The following NRG1 variants were observed in gnomAD, a reference collection of about 807,000 sequenced individuals.
NRG1 encodes neuregulin 1, also known as pro-neuregulin-1, membrane-bound isoform.
A neutral mutation model predicts 63.8 loss-of-function variants in NRG1; 18 were observed. The observed-to-expected ratio is 0.28, with a 90% confidence interval of 0.19 to 0.42. NRG1 has a LOEUF of 0.42. Ranked by LOEUF, NRG1 falls within the 10% of genes least tolerant of loss-of-function variation. The pLI, the probability that NRG1 is intolerant of heterozygous loss-of-function variation, is 1.00. For synonymous variants in NRG1, 302 were observed against 301.3 expected (o/e 1.00, Z -0.02); for missense variants, 762 against 814.7 (o/e 0.94, Z 0.79).
chr8:32,189,920 C>T (rs904006158), intron 1 of NRG1, among the ~76,000 whole-genome samples: 8 of 152,098 alleles, frequency 5.3e-5, no homozygotes, highest in African/African-American at 1.9e-4. Context: ...GAGACATCAT[C>T]AGTGCTCATG....
At chr8:32,235,230 CAAAAAAAAAAAAAAA>C (rs58148757) in intron 1 of NRG1, among the ~76,000 whole-genome samples, 2 of 88,308 alleles carry the variant, frequency 2.3e-5, no homozygotes, top group East Asian at 4.0e-4. Context: ...CTAATCTCTA[CAAAAAAAAAAAAAAA>C]AAAAAAAAAA....
At chr8:32,133,949 T>C (rs919128862) in intron 1 of NRG1, among the ~76,000 whole-genome samples, 27 of 152,178 alleles carry the variant, frequency 1.8e-4, no homozygotes, top group Non-Finnish European at 3.7e-4. Flanking sequence ...GCCACTTTTT[T>C]TTGGAAAACA....
chr8:32,111,227 G>A (rs1025792468), intron 1 of NRG1, among the ~76,000 whole-genome samples: 3 of 151,928 alleles, frequency 2.0e-5, no homozygotes, highest in East Asian at 1.9e-4. Context: ...AGCAATTTTC[G>A]TTCCTCAGCT....
intron 1 of NRG1, among the ~76,000 whole-genome samples, chr8:32,072,384 G>C (rs1416907766): frequency 2.0e-5 from 3 of 151,552 alleles, no homozygotes; most frequent in African/African-American, 7.3e-5. Context: ...TATAAACTGT[G>C]CTGGCAGTAA....
intron 1 of NRG1, among the ~76,000 whole-genome samples, chr8:31,709,407 G>A (rs10090544): frequency 0.043 from 6,491 of 151,838 alleles, 449 homozygotes; most frequent in African/African-American, 0.15. Flanking sequence ...CCTAAGATTC[G>A]TCAGCTGTTT....
intron 1 of NRG1, among the ~76,000 whole-genome samples, chr8:32,438,855 C>T (rs1194482437): frequency 6.6e-6 from 1 of 152,072 alleles, no homozygotes; most frequent in Non-Finnish European, 1.5e-5. Flanking sequence ...CTTCTCTGTT[C>T]CTGTTGCCTA....
rs1052039525 is a variant in NRG1 at position 32,006,063 on chromosome 8, T to G, written c.37+366632T>G. On this transcript the variant is annotated intron_variant, in intron 1 of 10. Coordinates refer to the NRG1 transcript ENST00000519301. ...GGACAAAGACAAAACATAGGGAGTT[T>G]CGAGGCATTATTCAATAACTACCTA... 2.0e-4 allele frequency among the ~76,000 whole-genome samples: 31 copies of G among 152,014 alleles called. 1 individual carries two copies. Among genetic ancestry groups the G allele is most frequent in the Admixed American group, 1.3e-4 (2 of 15,228 alleles).
intron 5 of NRG1, among the ~76,000 whole-genome samples, chr8:32,669,244 A>G (rs1265921805): frequency 6.6e-6 from 1 of 152,214 alleles, no homozygotes; most frequent in Non-Finnish European, 1.5e-5. Flanking sequence ...AAGATAGAAT[A>G]AAGCATGTAT....
chr8:32,274,570 G>T lies in NRG1; in HGVS notation c.38-321258G>T, dbSNP rs184367729. On this transcript the variant is annotated intron_variant, in intron 1 of 10. Transcript: ENST00000519301. ...TAACATTTACAACACACACTTTACAGGGAAAGAAAGTGAAAGATATGTAAT... is the reference window on the plus strand; with the variant it reads ...TAACATTTACAACACACACTTTACATGGAAAGAAAGTGAAAGATATGTAAT... Among the ~76,000 whole-genome samples, 236 of 152,170 alleles carry T rather than the reference G, an allele frequency of 1.6e-3. 2 individuals are homozygous for T. Among genetic ancestry groups the T allele is most frequent in the African/African-American group, 5.5e-3 (228 of 41,516 alleles).
intron 1 of NRG1, among the ~76,000 whole-genome samples, chr8:32,208,609 C>T (rs983684212): frequency 2.0e-5 from 3 of 152,070 alleles, no homozygotes; most frequent in Admixed American, 6.5e-5. Flanking sequence ...ATAGATGTTC[C>T]ATTAAATATA....
chr8:31,921,467 T>TAC (rs1189350008), intron 1 of NRG1, among the ~76,000 whole-genome samples: 3 of 82,092 alleles, frequency 3.7e-5, no homozygotes, highest in African/African-American at 1.7e-4. Flanking sequence ...TTTACACACA[T>TAC]ACACACACAT....
chr8:31,993,198 G>C (rs1242903798), intron 1 of NRG1, among the ~76,000 whole-genome samples: 2 of 152,014 alleles, frequency 1.3e-5, no homozygotes, highest in African/African-American at 4.8e-5. Context: ...AAATGAGTAA[G>C]ATTCTATAAA....
intron 1 of NRG1, among the ~76,000 whole-genome samples, chr8:32,043,363 G>A (rs2130709262): frequency 6.6e-6 from 1 of 151,804 alleles, no homozygotes; most frequent in South Asian, 2.1e-4. Context: ...AGGAATTAAG[G>A]CAAAATAAAG....
intron 1 of NRG1, among the ~76,000 whole-genome samples, chr8:31,997,571 A>G (rs1812219355): frequency 6.6e-6 from 1 of 152,018 alleles, no homozygotes; most frequent in Admixed American, 6.6e-5. Flanking sequence ...TAAGTGTGAG[A>G]ATATTGATGC....
intron 5 of NRG1, among the ~76,000 whole-genome samples, chr8:32,678,790 A>G (rs1466929304): frequency 6.6e-6 from 1 of 152,206 alleles, no homozygotes; most frequent in Non-Finnish European, 1.5e-5. Flanking sequence ...TCACATGCAC[A>G]GCACCCAGAC....
At chr8:32,089,174 A>T (rs1209634041) in intron 1 of NRG1, among the ~76,000 whole-genome samples, 1 of 152,080 alleles carries the variant, frequency 6.6e-6, no homozygotes, top group African/African-American at 2.4e-5. Context: ...CACGCAGCGC[A>T]CTCTGCCATG....
rs542962303 is a variant in NRG1 at position 32,413,626 on chromosome 8, T to C, written c.38-182202T>C. On this transcript the variant is annotated intron_variant, in intron 1 of 10. Coordinates refer to the NRG1 transcript ENST00000519301. The stretch of plus-strand genomic sequence containing the variant: ...TATAGAACACATTCCCCCACAGAAA[T>C]ATACTACAGAAAACAGACCTAATAA... Among the ~76,000 whole-genome samples the C allele has an allele frequency of 7.2e-5, 11 of 152,262 alleles. No individual in the cohort carries two copies. The South Asian group carries it at 2.3e-3, about 32-fold the overall frequency.
chr8:32,364,946 T>C (rs1259956937), intron 1 of NRG1, among the ~76,000 whole-genome samples: 1 of 144,112 alleles, frequency 6.9e-6, no homozygotes, highest in Non-Finnish European at 1.5e-5. Context: ...TAAAATGTAC[T>C]CCCTTTACTA....
chr8:32,746,338 G>A (rs915766981), intron 7 of NRG1, among the ~76,000 whole-genome samples: 4 of 152,084 alleles, frequency 2.6e-5, no homozygotes, highest in African/African-American at 7.2e-5. Context: ...AAATCTCAGC[G>A]GTACAGAAAG....
Sources: gnomAD v4.1 joint callset for allele counts (sites outside exome capture counted in the v4.1 genomes callset) on GRCh38, gnomAD v4.1.1 for gene constraint, MANE v1.5 for transcripts, NCBI Gene and HGNC (gene_info 2026-07-23, HGNC 2026-07-21) for gene names.